The following USP54 variants were observed in gnomAD, a reference collection of about 807,000 sequenced individuals.
The protein encoded by USP54 is ubiquitin carboxyl-terminal hydrolase 54.
Under a neutral mutation model 170.5 loss-of-function variants are expected in USP54, and 87 were observed. That is an observed-to-expected ratio of 0.51 (90% CI 0.43 to 0.61). The LOEUF is 0.61. Among genes scored for constraint, USP54 ranks in the 20% least tolerant of loss-of-function variants. USP54 has a pLI of 0.00. For synonymous variants in USP54, 655 were observed against 742.8 expected, an observed-to-expected ratio of 0.88 and a Z score of 1.92; for missense variants, 1,786 against 2,047.8, an observed-to-expected ratio of 0.87 and a Z score of 2.47.
In USP54 at chr10:73,529,731, C is replaced by G. The variant is rs761033979; in HGVS notation, c.2009G>C (p.Ser670Thr). ...SGYESSERNS[S>T]SPVSLDAALP... ...GGCTGCATCCAGGCTGACAGGGCTGCTGCTGTTCCTCTCACTGCTTTCATA... is the reference window on the plus strand; with the variant it reads ...GGCTGCATCCAGGCTGACAGGGCTGGTGCTGTTCCTCTCACTGCTTTCATA... Residue 670 changes from serine (S) to threonine (T), a missense_variant, in exon 15 of 24, where the codon AGC (serine) becomes ACC (threonine). By Grantham distance (58) the Ser-to-Thr change is moderately conservative. This residue lies in a region of USP54 where 1,418 missense variants were observed against 1,569.0 expected (regional missense o/e 0.90). Transcript: ENST00000687698. The G allele has an allele frequency of 7.4e-6, 12 of 1,613,876 alleles. No homozygotes were observed. Among genetic ancestry groups the G allele is most frequent in the Non-Finnish European group, 1.0e-5 (12 of 1,179,868 alleles).
chr10:73,534,783 G>A lies in USP54; in HGVS notation c.1145-13C>T. The A allele has an allele frequency of 6.2e-7, 1 of 1,612,224 alleles. No homozygotes were observed. The highest frequency in any genetic ancestry group is 8.5e-7 in the Non-Finnish European group (1 of 1,178,912). Reference sequence around the variant, plus strand: ...GAGGGCTCCCTCCCTGAGAGGAGGAGGAAACACATATGCAAAAAGTGAGGA... The same window carrying A: ...GAGGGCTCCCTCCCTGAGAGGAGGAAGAAACACATATGCAAAAAGTGAGGA... On this transcript the variant is annotated splice_polypyrimidine_tract_variant and intron_variant, in intron 11 of 23. Coordinates refer to ENST00000687698, the MANE Select transcript of USP54 (RefSeq NM_001391956.1).
At chr10:73,526,135 G>A (rs1308096000) in intron 16 of USP54, among the ~76,000 whole-genome samples, 2 of 152,142 alleles carry the variant, frequency 1.3e-5, no homozygotes, top group Non-Finnish European at 2.9e-5. Flanking sequence ...CTCCCTCCAG[G>A]TAGAAAGAAA....
chr10:73,563,020 A>C (rs2073425060), intron 4 of USP54, among the ~76,000 whole-genome samples: 1 of 152,086 alleles, frequency 6.6e-6, no homozygotes. Flanking sequence ...AGCATGATCA[A>C]GGCTCACTGC....
intron 1 of USP54, among the ~76,000 whole-genome samples, chr10:73,625,330 G>A (rs1408512023): frequency 6.6e-6 from 1 of 151,202 alleles, no homozygotes; most frequent in Non-Finnish European, 1.5e-5. Context: ...CTCTCCGTTC[G>A]CATCTCAAGA....
intron 1 of USP54, among the ~76,000 whole-genome samples, chr10:73,619,892 G>A (rs2080949046): frequency 6.6e-6 from 1 of 150,536 alleles, no homozygotes; most frequent in South Asian, 2.1e-4. Context: ...TTAGCTGAGG[G>A]CATCTATAAC....
chr10:73,607,338 A>T (rs59067315), intron 1 of USP54, among the ~76,000 whole-genome samples: 4 of 40,922 alleles, frequency 9.8e-5, no homozygotes, highest in South Asian at 6.1e-4. Flanking sequence ...AAAAAAAAAG[A>T]AAAAAAAAAA....
intron 1 of USP54, among the ~76,000 whole-genome samples, chr10:73,604,604 T>TA (rs1392973117): frequency 6.6e-6 from 1 of 151,162 alleles, no homozygotes; most frequent in Non-Finnish European, 1.5e-5. Context: ...TTTTTTTTTT[T>TA]TTTTGAGACA....
intron 1 of USP54, among the ~76,000 whole-genome samples, chr10:73,622,876 G>T (rs925323095): frequency 6.6e-6 from 1 of 151,764 alleles, no homozygotes; most frequent in African/African-American, 2.4e-5. Flanking sequence ...CCAGGAGACT[G>T]AGGCTGCAGT....
In USP54 at chr10:73,526,789, G is replaced by A. The variant is rs900376475; in HGVS notation, c.2061-9C>T. 1 of 1,613,322 alleles carries A rather than the reference G, an allele frequency of 6.2e-7. No individual in the cohort carries two copies. Among genetic ancestry groups the A allele is most frequent in the Admixed American group, 1.7e-5 (1 of 59,914 alleles). ...TCTTAGCACTTGGATCCCTTCAAAA[G>A]AGAACTCAGAGTCTAGTGAAAGCAT... On this transcript the variant is annotated splice_polypyrimidine_tract_variant and intron_variant, in intron 15 of 23. Coordinates refer to ENST00000687698, the MANE Select transcript of USP54 (RefSeq NM_001391956.1).
intron 19 of USP54, chr10:73,518,727 T>A (rs2061445722): frequency 6.6e-6 from 1 of 152,368 alleles, no homozygotes; most frequent in Non-Finnish European, 1.5e-5. Flanking sequence ...AATTTTTTTT[T>A]TTTTTTTTTT....
At chr10:73,553,884 C>T (rs564768325) in intron 4 of USP54, among the ~76,000 whole-genome samples, 6 of 152,244 alleles carry the variant, frequency 3.9e-5, no homozygotes, top group African/African-American at 9.6e-5. Context: ...AAGATTTTAA[C>T]GACTAAAAGC....
intron 17 of USP54, 122 bp downstream of exon 17, chr10:73,523,461 T>G: frequency 8.2e-7 from 1 of 1,217,812 alleles, no homozygotes; most frequent in South Asian, 1.8e-5. Context: ...CTGGAATGGG[T>G]GAATTAAGAC....
chr10:73,520,338 T>G (rs1468836090), intron 18 of USP54, among the ~76,000 whole-genome samples: 1 of 152,206 alleles, frequency 6.6e-6, no homozygotes, highest in Admixed American at 6.5e-5. Flanking sequence ...CTCACCCCTC[T>G]CTTCCCAATG....
intron 1 of USP54, among the ~76,000 whole-genome samples, chr10:73,583,700 G>A (rs2077152235): frequency 6.6e-6 from 1 of 151,994 alleles, no homozygotes; most frequent in Admixed American, 6.6e-5. Flanking sequence ...AGTGAGCTAT[G>A]ACTGTGCCAC....
chr10:73,550,585 C>A (rs1321735523), intron 4 of USP54, among the ~76,000 whole-genome samples: 2 of 151,894 alleles, frequency 1.3e-5, no homozygotes, highest in African/African-American at 4.8e-5. Flanking sequence ...GTGTATATTC[C>A]CAGCAACTAG....
At chr10:73,534,800 A>G (rs1460984501) in intron 11 of USP54, 30 bp from the exon 12 acceptor site, 39 of 1,604,794 alleles carry the variant, frequency 2.4e-5, no homozygotes, top group Non-Finnish European at 3.2e-5. Flanking sequence ...CATATGCAAA[A>G]AGTGAGGAAA....
At chr10:73,571,205 G>A (rs559802577) in intron 4 of USP54, among the ~76,000 whole-genome samples, 34 of 149,042 alleles carry the variant, frequency 2.3e-4, no homozygotes, top group Non-Finnish European at 4.4e-4. Context: ...ATCAAACAGA[G>A]CTGCATAAGC....
intron 4 of USP54, among the ~76,000 whole-genome samples, chr10:73,568,335 G>A (rs1044972708): frequency 2.6e-5 from 4 of 152,196 alleles, no homozygotes; most frequent in African/African-American, 7.2e-5. Flanking sequence ...CTCAGAAAAT[G>A]AAGCTCTCCA....
chr10:73,613,132 CTT>C (rs967595386), intron 1 of USP54, among the ~76,000 whole-genome samples: 13 of 127,406 alleles, frequency 1.0e-4, no homozygotes, highest in Admixed American at 8.1e-5. Flanking sequence ...ATTCCAGCCT[CTT>C]TTTTTTTTTT....
Sources: gnomAD v4.1 joint callset for allele counts (sites outside exome capture counted in the v4.1 genomes callset) on GRCh38, gnomAD v4.1.1 for gene constraint, gnomAD v4.1.1 regional missense constraint, MANE v1.5 for transcripts, NCBI Gene and HGNC (gene_info 2026-07-23, HGNC 2026-07-21) for gene names.